NOX1: variants seen among roughly 807,000 people sequenced by gnomAD.
NOX1 encodes NADPH oxidase 1.
In NOX1, 34 loss-of-function variants were observed where a neutral mutation model predicts 42.5. The observed-to-expected ratio is 0.80, with a 90% CI of 0.61 to 1.07. NOX1 has a LOEUF of 1.07. NOX1 is among the 50% of genes least tolerant of loss of function. The pLI is 0.00. For missense variants in NOX1, 408 were observed against 427.0 expected, an observed-to-expected ratio of 0.96 and a Z score of 0.39; for synonymous variants, 143 against 152.5, an observed-to-expected ratio of 0.94 and a Z score of 0.46.
chrX:100,856,214 C>A, intron 7 of NOX1: 1 of 994,128 alleles, frequency 1.0e-6, no homozygotes. Flanking sequence ...AAACCCACAG[C>A]CCCTGGAGCG....
intron 8 of NOX1, among the ~76,000 whole-genome samples, 192 bp downstream of exon 8, chrX:100,851,041 T>C (rs901811945): frequency 9.1e-6 from 1 of 110,236 alleles, no homozygotes; most frequent in African/African-American, 3.3e-5. Context: ...GGTTTCGCCA[T>C]GTTGGCCGGG....
intron 12 of NOX1, among the ~76,000 whole-genome samples, chrX:100,846,634 C>T (rs1436804728): frequency 9.0e-6 from 1 of 111,351 alleles, no homozygotes; most frequent in Non-Finnish European, 1.9e-5. Context: ...TCTCTCTCTC[C>T]CTCCCTCTCT....
At chrX:100,867,140 C>T (rs772759343) in intron 2 of NOX1, among the ~76,000 whole-genome samples, 132 of 111,916 alleles carry the variant, frequency 1.2e-3, no homozygotes, top group African/African-American at 4.1e-3. Context: ...TCACGCCATT[C>T]TTCTGCCTCA....
rs193297200 is a variant in NOX1 at position 100,854,078 on chromosome X, G to T, written c.805-2753C>A. Among the ~76,000 whole-genome samples, 17 of 111,223 alleles carry T rather than the reference G, an allele frequency of 1.5e-4. No homozygotes were observed. The East Asian group carries it at 4.3e-3, about 28-fold the overall frequency. ...GAATCACTTGAACCCAGGAGGCAGA[G>T]GTTGCAGTGAGACAAGATCACACCA... On this transcript the variant is annotated intron_variant, in intron 7 of 12. Coordinates refer to ENST00000372966, the MANE Select transcript of NOX1 (RefSeq NM_007052.5).
intron 7 of NOX1, among the ~76,000 whole-genome samples, chrX:100,853,326 C>CTTTTT (rs1440649806): frequency 2.4e-4 from 5 of 21,229 alleles, no homozygotes; most frequent in African/African-American, 3.6e-4. Context: ...TTCTTTCTCT[C>CTTTTT]TCTTTCTCTT....
At chrX:100,861,177 T>A (rs2147915269) in intron 7 of NOX1, among the ~76,000 whole-genome samples, 1 of 112,073 alleles carries the variant, frequency 8.9e-6, no homozygotes, top group South Asian at 3.7e-4. Flanking sequence ...TTTTATGGTT[T>A]TTTTGCTTCA....
At chrX:100,864,408 G>C (rs2085225707) in intron 2 of NOX1, among the ~76,000 whole-genome samples, 1 of 112,489 alleles carries the variant, frequency 8.9e-6, no homozygotes, top group Admixed American at 9.5e-5. Context: ...GCACATAAGA[G>C]TTGTATAATA....
At chrX:100,853,300 T>TTCTCTCTCTTTC (rs1355023424) in intron 7 of NOX1, among the ~76,000 whole-genome samples, 944 of 68,584 alleles carry the variant, frequency 0.014, 14 homozygotes, top group African/African-American at 0.017. Context: ...CTTTCTTTCT[T>TTCTCTCTCTTTC]TCTTTCTTTC....
At chrX:100,852,620 C>A (rs1222429004) in intron 7 of NOX1, among the ~76,000 whole-genome samples, 1 of 112,072 alleles carries the variant, frequency 8.9e-6, no homozygotes, top group Non-Finnish European at 1.9e-5. Context: ...AAGTGTGATA[C>A]ATTGGGACTG....
chrX:100,863,338 T>A, intron 3 of NOX1, 95 bp from the exon 4 acceptor site: 1 of 919,472 alleles, frequency 1.1e-6, no homozygotes, highest in Non-Finnish European at 1.6e-6. Flanking sequence ...AGCATGCCAA[T>A]ACTCACCCGC....
chrX:100,855,240 C>A, intron 7 of NOX1: 2 of 522,479 alleles, frequency 3.8e-6, no homozygotes, highest in South Asian at 4.7e-5. Flanking sequence ...CCTGTAGCTT[C>A]TCTGTCACTT....
At chrX:100,860,800 C>T (rs2085198479) in intron 7 of NOX1, among the ~76,000 whole-genome samples, 1 of 111,595 alleles carries the variant, frequency 9.0e-6, no homozygotes, top group Admixed American at 9.6e-5. Flanking sequence ...ATCTCACTGT[C>T]ACCCAGGCTG....
chrX:100,844,157 A>G (rs1175306347), intron 12 of NOX1, 79 bp from the exon 13 acceptor site: 6 of 884,278 alleles, frequency 6.8e-6, no homozygotes, highest in Non-Finnish European at 9.1e-6. Flanking sequence ...GGCCTCTACT[A>G]CTTCCAAGAA....
intron 2 of NOX1, 97 bp from the exon 3 acceptor site, chrX:100,863,692 A>G: frequency 2.7e-6 from 3 of 1,107,002 alleles, no homozygotes; most frequent in Non-Finnish European, 3.6e-6. Context: ...CCTGCAAATG[A>G]ACAGGGCTAC....
chrX:100,869,187 A>G (rs1327164596), intron 2 of NOX1, among the ~76,000 whole-genome samples: 2 of 111,022 alleles, frequency 1.8e-5, no homozygotes, highest in African/African-American at 6.6e-5. Flanking sequence ...GTTTTTTCCA[A>G]TTCTGTGAAG....
chrX:100,874,007 C>A (rs989964238), intron 1 of NOX1, 88 bp downstream of exon 1: 44 of 703,306 alleles, frequency 6.3e-5, no homozygotes, highest in Admixed American at 1.1e-4. Context: ...ATGGAATCAT[C>A]TTTCTCTTTC....
chrX:100,869,085 G>C (rs1417512351), intron 2 of NOX1, among the ~76,000 whole-genome samples: 50 of 110,887 alleles, frequency 4.5e-4, no homozygotes, highest in Non-Finnish European at 7.8e-4. Flanking sequence ...AGTTTGAAGT[G>C]AGGTAGTGTG....
intron 2 of NOX1, among the ~76,000 whole-genome samples, chrX:100,866,504 G>C (rs1200894425): frequency 9.1e-6 from 1 of 109,697 alleles, no homozygotes; most frequent in Non-Finnish European, 1.9e-5. Context: ...GTGTGTGTGT[G>C]TGTGTGTGTG....
chrX:100,854,270 T>G (rs1158814127), intron 7 of NOX1, among the ~76,000 whole-genome samples: 1 of 112,445 alleles, frequency 8.9e-6, no homozygotes. Context: ...TTTCCAAACT[T>G]TCTACAATAA....
Sources: allele counts gnomAD v4.1 joint callset (sites outside exome capture counted in the v4.1 genomes callset), GRCh38; gene constraint gnomAD v4.1.1; transcripts MANE v1.5; gene names NCBI Gene and HGNC (gene_info 2026-07-23, HGNC 2026-07-21).